Variants in ARFGEF3 observed in about 807,000 individuals in gnomAD.
The protein encoded by ARFGEF3 is ARFGEF family member 3, also known as brefeldin A-inhibited guanine nucleotide-exchange protein 3.
A neutral mutation model predicts 221.7 loss-of-function variants in ARFGEF3; 96 were observed. The observed-to-expected ratio is 0.43, with a 90% CI of 0.37 to 0.51. The LOEUF is 0.51. Among genes scored for constraint, ARFGEF3 ranks in the 20% least tolerant of loss-of-function variants. The pLI is 0.00. For missense variants in ARFGEF3, 2,410 were observed against 2,789.9 expected (o/e 0.86, Z 3.07); for synonymous variants, 1,145 against 1,126.8 (o/e 1.02, Z -0.32).
intron 12 of ARFGEF3, among the ~76,000 whole-genome samples, chr6:138,265,954 AC>A (rs929189952): frequency 1.3e-5 from 2 of 151,910 alleles, no homozygotes; most frequent in African/African-American, 4.8e-5. Flanking sequence ...GATGGCTCAC[AC>A]CTGCCATCCC....
chr6:138,329,983 T>G, intron 32 of ARFGEF3, among the ~76,000 whole-genome samples: 1 of 150,988 alleles, frequency 6.6e-6, no homozygotes, highest in Non-Finnish European at 1.5e-5. Flanking sequence ...AAAAGGGGGG[T>G]TGTTCTCTGG....
chr6:138,334,092 A>G lies in ARFGEF3; in HGVS notation c.5246A>G (p.Gln1749Arg). The G allele has an allele frequency of 1.2e-6, 2 of 1,613,974 alleles. No individual in the cohort carries two copies. The highest frequency in any genetic ancestry group is 8.5e-7 in the Non-Finnish European group (1 of 1,179,886). The change falls in exon 33 of 34, where the codon CAA becomes CGA. Residue 1749 changes from glutamine to arginine, a missense_variant. Physicochemically the swap from Gln to Arg is conservative, Grantham distance 43. Around this residue, in one of 5 missense-constraint regions of ARFGEF3, gnomAD observed 723 missense variants for 991.9 expected, o/e 0.73. Coordinates refer to ENST00000251691, the MANE Select transcript of ARFGEF3 (RefSeq NM_020340.5). This position sits in a 1 kb window ranked among gnomAD's most constrained non-coding sequence, Gnocchi z 5.1. The stretch of plus-strand genomic sequence containing the variant: ...TCTCCTGGAGAGGAAAAGACGATAC[A>G]AGTGCCAGAAGCCAAGCTGGCTGGC... ...GPSPGEEKTI[Q>R]VPEAKLAGFL...
intron 32 of ARFGEF3, among the ~76,000 whole-genome samples, chr6:138,328,575 CA>C (rs1780167395): frequency 6.6e-6 from 1 of 152,338 alleles, no homozygotes; most frequent in Middle Eastern, 3.4e-3. Flanking sequence ...CTCACGACCT[CA>C]TTTTGACTTA....
intron 8 of ARFGEF3, among the ~76,000 whole-genome samples, chr6:138,249,119 A>G (rs1052090164): frequency 6.6e-6 from 1 of 152,224 alleles, no homozygotes. Flanking sequence ...AGTTGCTGCT[A>G]ATTCTAGTCA....
chr6:138,238,032 T>C (rs188656393), intron 5 of ARFGEF3, among the ~76,000 whole-genome samples: 68 of 152,304 alleles, frequency 4.5e-4, no homozygotes, highest in African/African-American at 1.3e-3. Flanking sequence ...TGTCCTGCCT[T>C]TATGAAATTT....
intron 2 of ARFGEF3, among the ~76,000 whole-genome samples, chr6:138,185,031 G>A (rs944887491): frequency 1.6e-4 from 25 of 152,156 alleles, no homozygotes; most frequent in African/African-American, 6.0e-4. Flanking sequence ...ACATCCAACT[G>A]CTCCTTATCC....
intron 8 of ARFGEF3, among the ~76,000 whole-genome samples, chr6:138,249,272 AAAAC>A (rs1778539019): frequency 3.3e-5 from 5 of 152,252 alleles, no homozygotes; most frequent in Admixed American, 3.3e-4. Context: ...CAGTCACTGA[AAAAC>A]AAAGCATTTC....
chr6:138,319,600 C>T, intron 27 of ARFGEF3, 103 bp from the exon 28 acceptor site: 1 of 782,444 alleles, frequency 1.3e-6, no homozygotes, highest in Admixed American at 2.8e-5. Flanking sequence ...TGCACTTTCT[C>T]AGCAAATGTA....
rs898454066 is a variant in ARFGEF3 at position 138,343,408 on chromosome 6, C to T, written c.*6922C>T. ...AAGCATATCAGAATGTTGATGATAT[C>T]AAGGAGACAATCTACAGAGTTTTTG... On this transcript the variant is annotated 3_prime_UTR_variant, in exon 34 of 34. Coordinates refer to ENST00000251691, the MANE Select transcript of ARFGEF3 (RefSeq NM_020340.5). 2 of 150,732 alleles carry T rather than the reference C, an allele frequency of 1.3e-5. No homozygotes were observed. The highest frequency in any genetic ancestry group is 6.6e-5 in the Admixed American group (1 of 15,108). 9.3% of individuals were successfully genotyped at this position (150,732 alleles called of 1,614,324 possible).
chr6:138,298,918 G>A (rs1779574750), intron 22 of ARFGEF3, 133 bp downstream of exon 22: 1 of 728,940 alleles, frequency 1.4e-6, no homozygotes, highest in Non-Finnish European at 2.2e-6. Context: ...AGTTAAGCAG[G>A]GCTGGGCGTG....
chr6:138,166,991 G>A (rs1194040638), intron 1 of ARFGEF3, among the ~76,000 whole-genome samples: 1 of 152,086 alleles, frequency 6.6e-6, no homozygotes, highest in African/African-American at 2.4e-5. Context: ...TTTGTCATCT[G>A]CCTTTCACCT....
At chr6:138,219,453 G>C (rs1454621845) in intron 4 of ARFGEF3, among the ~76,000 whole-genome samples, 1 of 152,190 alleles carries the variant, frequency 6.6e-6, no homozygotes. Context: ...GGAATCAGCA[G>C]AACCAAGTCT....
chr6:138,317,187 A>C (rs1779940624), intron 26 of ARFGEF3, 64 bp from the exon 27 acceptor site: 1 of 1,568,076 alleles, frequency 6.4e-7, no homozygotes, highest in Non-Finnish European at 8.7e-7. Context: ...GTTTAATTGG[A>C]TCTTGAGATG....
chr6:138,206,986 A>G, intron 2 of ARFGEF3, 56 bp from the exon 3 acceptor site: 1 of 1,424,908 alleles, frequency 7.0e-7, no homozygotes, highest in Non-Finnish European at 9.7e-7. Flanking sequence ...GGCTTACATC[A>G]CTTGACTGCC....
intron 4 of ARFGEF3, among the ~76,000 whole-genome samples, chr6:138,221,732 TCTGATGAATATCAATAA>T: frequency 6.6e-6 from 1 of 152,332 alleles, no homozygotes; most frequent in South Asian, 2.1e-4. Flanking sequence ...TAAGGGCATA[TCTGATGAATATCAATAA>T]CTTATTTCTA....
chr6:138,310,393 C>T (rs56065142), intron 24 of ARFGEF3, among the ~76,000 whole-genome samples: 12,227 of 152,256 alleles, frequency 0.08, 929 homozygotes, highest in Admixed American at 0.22. Context: ...TTTATTAAAA[C>T]ATAGCCATGT....
At chr6:138,206,464 C>G (rs1777626653) in intron 2 of ARFGEF3, among the ~76,000 whole-genome samples, 1 of 151,260 alleles carries the variant, frequency 6.6e-6, no homozygotes, top group African/African-American at 2.4e-5. Context: ...TCATTAAGAA[C>G]CTGTCACAAG....
intron 32 of ARFGEF3, among the ~76,000 whole-genome samples, chr6:138,329,596 G>A (rs1180319430): frequency 1.3e-5 from 2 of 152,080 alleles, no homozygotes; most frequent in Admixed American, 1.3e-4. Context: ...CCCAGAAGGC[G>A]GAGGCTGCAG....
intron 23 of ARFGEF3, 107 bp downstream of exon 23, chr6:138,307,504 A>G: frequency 2.9e-6 from 3 of 1,027,840 alleles, no homozygotes; most frequent in South Asian, 3.1e-5. Flanking sequence ...ATTGTCAGCC[A>G]TGTTTTATCA....
Sources: allele counts gnomAD v4.1 joint callset (sites outside exome capture counted in the v4.1 genomes callset), GRCh38; gene constraint gnomAD v4.1.1; regional missense constraint gnomAD v4.1.1; non-coding constraint Gnocchi (gnomAD v3.1); transcripts MANE v1.5; gene names NCBI Gene and HGNC (gene_info 2026-07-23, HGNC 2026-07-21).